Variants in ZFAND3 observed in about 807,000 individuals in gnomAD.
The protein encoded by ZFAND3 is zinc finger AN1-type containing 3, also known as AN1-type zinc finger protein 3.
In ZFAND3, 10 loss-of-function variants were observed where a neutral mutation model predicts 29.6. That is an observed-to-expected ratio of 0.34 (90% CI 0.21 to 0.57). The LOEUF is 0.57. Among genes scored for constraint, ZFAND3 ranks in the 20% least tolerant of loss-of-function variants. ZFAND3 has a pLI of 0.86. For synonymous variants in ZFAND3, 128 were observed against 112.6 expected (o/e 1.14, Z -0.87); for missense variants, 230 against 304.5 (o/e 0.76, Z 1.82).
intron 2 of ZFAND3, among the ~76,000 whole-genome samples, chr6:37,950,734 GT>G (rs1236405346): frequency 6.6e-6 from 1 of 152,116 alleles, no homozygotes; most frequent in African/African-American, 2.4e-5. Context: ...TCTCTAACCT[GT>G]TCCGTTGGTC....
chr6:37,862,723 C>CAA (rs539325207), intron 1 of ZFAND3, among the ~76,000 whole-genome samples: 4 of 143,730 alleles, frequency 2.8e-5, no homozygotes, highest in Admixed American at 2.1e-4. Context: ...CAAAACAAAA[C>CAA]AAAAAAAAAA....
chr6:38,127,506 C>G (rs77425092), intron 5 of ZFAND3, among the ~76,000 whole-genome samples: 39 of 152,268 alleles, frequency 2.6e-4, no homozygotes, highest in African/African-American at 9.4e-4. Context: ...TATTTTTAAA[C>G]CAGTATCATA....
intron 2 of ZFAND3, among the ~76,000 whole-genome samples, chr6:38,007,339 C>G (rs750124771): frequency 6.6e-6 from 1 of 152,034 alleles, no homozygotes; most frequent in Non-Finnish European, 1.5e-5. Context: ...GCAGGAGGAT[C>G]GCTTGAGCTC....
intron 4 of ZFAND3, among the ~76,000 whole-genome samples, chr6:38,110,155 A>G (rs1217172061): frequency 6.6e-6 from 1 of 152,194 alleles, no homozygotes; most frequent in African/African-American, 2.4e-5. Context: ...AGATGATGGC[A>G]TTCTCCACAA....
At chr6:38,103,430 TATATACACGTGTATATATATACACAC>T (rs1180840067) in intron 4 of ZFAND3, among the ~76,000 whole-genome samples, 3,542 of 73,724 alleles carry the variant, frequency 0.048, 133 homozygotes, top group African/African-American at 0.17. Flanking sequence ...CACACACATA[TATATACACGTGTATATATATACACAC>T]ATATATACAC....
chr6:38,146,061 C>T (rs1331817947), intron 5 of ZFAND3, among the ~76,000 whole-genome samples: 1 of 152,210 alleles, frequency 6.6e-6, no homozygotes, highest in Non-Finnish European at 1.5e-5. Flanking sequence ...ATCACTGTGC[C>T]AAGCCACAGG....
At chr6:38,003,550 G>A (rs1762988354) in intron 2 of ZFAND3, 1 of 169,346 alleles carries the variant, frequency 5.9e-6, no homozygotes. Flanking sequence ...CCAGGCTGGA[G>A]TGCATCAGTG....
rs58677123 is a variant in ZFAND3, at chr6:37,896,572, C to CTT, written c.72-33386_72-33385insTT. Reference sequence around the variant, plus strand: ...TTTCTTTCTTTCTTTCTTTCTTTCTCTCTTTCTCTCTCTTTCTCTTTTTCT... The same window carrying CTT: ...TTTCTTTCTTTCTTTCTTTCTTTCTCTTTCTTTCTCTCTCTTTCTCTTTTTCT... On this transcript the variant is annotated intron_variant, in intron 1 of 5. Coordinates refer to ENST00000287218, the MANE Select transcript of ZFAND3 (RefSeq NM_021943.3). Among the ~76,000 whole-genome samples the CTT allele has an allele frequency of 3.8e-3, 81 of 21,256 alleles. 1 individual carries two copies. Among genetic ancestry groups the CTT allele is most frequent in the African/African-American group, 9.2e-3 (51 of 5,520 alleles). The allele number at this position is 21,256 out of a possible 152,430, so 13.9% of individuals were successfully genotyped here.
chr6:38,086,469 C>T (rs1030773640), intron 4 of ZFAND3, among the ~76,000 whole-genome samples: 6 of 152,150 alleles, frequency 3.9e-5, no homozygotes, highest in African/African-American at 1.4e-4. Flanking sequence ...GCACATCATA[C>T]CTTCAGATTA....
intron 1 of ZFAND3, among the ~76,000 whole-genome samples, chr6:37,895,043 T>G (rs1273098457): frequency 7.9e-5 from 12 of 152,284 alleles, no homozygotes; most frequent in Admixed American, 7.8e-4. Context: ...AAGGGCTTAT[T>G]ATGTTTCCAA....
chr6:38,029,754 G>A lies in ZFAND3; in HGVS notation c.113-31839G>A, dbSNP rs1390017061. Among the ~76,000 whole-genome samples the A allele has an allele frequency of 3.3e-5, 5 of 152,060 alleles. 1 individual carries two copies. The highest frequency in any genetic ancestry group is 6.3e-3 in the Middle Eastern group (2 of 316). On this transcript the variant is annotated intron_variant, in intron 2 of 5. Transcript: ENST00000287218. ...AATACAAAGAAAATATGAAGCGTTG[G>A]TGAGGATGTGAAGTAACGGCAATCC... is the stretch of plus-strand genomic sequence containing the variant.
intron 1 of ZFAND3, among the ~76,000 whole-genome samples, chr6:37,872,721 T>C (rs1236258947): frequency 6.6e-6 from 1 of 152,248 alleles, no homozygotes; most frequent in Non-Finnish European, 1.5e-5. Context: ...TCATTCTCAT[T>C]GCTGGGAAGT....
intron 2 of ZFAND3, among the ~76,000 whole-genome samples, chr6:37,955,149 T>TTTTGTG (rs111721503): frequency 1.1e-4 from 16 of 148,844 alleles, no homozygotes; most frequent in African/African-American, 2.5e-4. Context: ...CAACCAATTT[T>TTTTGTG]TGTGTGTGTG....
At chr6:38,147,828 C>A (rs796880041) in intron 5 of ZFAND3, among the ~76,000 whole-genome samples, 3 of 150,378 alleles carry the variant, frequency 2.0e-5, no homozygotes, top group African/African-American at 7.3e-5. Context: ...TTTTTTTTTC[C>A]TGTTAAGTAC....
chr6:38,032,319 TTAAC>T (rs1329392206), intron 2 of ZFAND3, among the ~76,000 whole-genome samples: 1 of 152,240 alleles, frequency 6.6e-6, no homozygotes, highest in Admixed American at 6.5e-5. Flanking sequence ...GTATTATAAT[TTAAC>T]TATTTTATCA....
intron 4 of ZFAND3, among the ~76,000 whole-genome samples, chr6:38,110,347 A>G (rs1001404182): frequency 6.6e-6 from 1 of 152,166 alleles, no homozygotes; most frequent in African/African-American, 2.4e-5. Flanking sequence ...AAAGTCTTTC[A>G]TGGCACACAG....
At chr6:37,955,987 C>T (rs1203215954) in intron 2 of ZFAND3, among the ~76,000 whole-genome samples, 2 of 152,058 alleles carry the variant, frequency 1.3e-5, no homozygotes, top group African/African-American at 4.8e-5. Flanking sequence ...GGTTTAGAGT[C>T]GGGGTGGAGG....
rs34123545 is a variant in ZFAND3, at chr6:38,024,470, C to CAA, written c.113-37107_113-37106dup. ...TGGGCGACAGAGCGAGACTCCGTCTCAAAAAAAAAAAAAAAAAGTACCTAA... is the reference window on the plus strand; with the variant it reads ...TGGGCGACAGAGCGAGACTCCGTCTCAAAAAAAAAAAAAAAAAAAGTACCTAA... On this transcript the variant is annotated intron_variant, in intron 2 of 5. Transcript: ENST00000287218. 0.023 allele frequency among the ~76,000 whole-genome samples: 2,611 copies of CAA among 112,560 alleles called. 190 individuals carry two copies. In the East Asian group the frequency reaches 0.26, roughly 11 times the overall value. The allele number at this position is 112,560 out of a possible 152,430, so 73.8% of individuals were successfully genotyped here.
At chr6:37,963,199 C>G (rs1033730290) in intron 2 of ZFAND3, among the ~76,000 whole-genome samples, 7 of 152,146 alleles carry the variant, frequency 4.6e-5, no homozygotes, top group Non-Finnish European at 1.0e-4. Flanking sequence ...CACATGTAGC[C>G]TATGGAACAC....
Sources: allele counts gnomAD v4.1 joint callset (sites outside exome capture counted in the v4.1 genomes callset), GRCh38; gene constraint gnomAD v4.1.1; transcripts MANE v1.5; gene names NCBI Gene and HGNC (gene_info 2026-07-23, HGNC 2026-07-21).